The following MACROD2 variants were observed in gnomAD, a reference collection of about 807,000 sequenced individuals.
MACROD2 encodes ADP-ribose glycohydrolase MACROD2.
Under a neutral mutation model 70.4 loss-of-function variants are expected in MACROD2, and 36 were observed. The observed-to-expected ratio is 0.51, with a 90% confidence interval of 0.39 to 0.68. MACROD2 has a LOEUF of 0.68. Ranked by LOEUF, MACROD2 falls within the 30% of genes least tolerant of loss-of-function variation. The pLI is 0.00. For missense variants in MACROD2, 496 were observed against 538.4 expected (o/e 0.92, Z 0.78); for synonymous variants, 172 against 178.8 (o/e 0.96, Z 0.30).
intron 5 of MACROD2, among the ~76,000 whole-genome samples, chr20:15,212,163 C>A (rs1039165575): frequency 6.6e-6 from 1 of 152,130 alleles, no homozygotes; most frequent in Non-Finnish European, 1.5e-5. Flanking sequence ...TCTTTACAAC[C>A]ATTTCTCAAA....
chr20:15,129,178 T>A (rs1272873214), intron 5 of MACROD2, among the ~76,000 whole-genome samples: 1 of 152,004 alleles, frequency 6.6e-6, no homozygotes, highest in Non-Finnish European at 1.5e-5. Flanking sequence ...TTTTGGAAAA[T>A]TTTTTAAAAG....
intron 3 of MACROD2, among the ~76,000 whole-genome samples, chr20:14,347,316 C>T (rs1017548735): frequency 1.3e-5 from 2 of 152,064 alleles, no homozygotes; most frequent in African/African-American, 4.8e-5. Context: ...AGAGGTCACC[C>T]ATCCTTGTAG....
rs186185956 is a variant in MACROD2 at position 14,715,289 on chromosome 20, T to C, written c.418+30330T>C. Among the ~76,000 whole-genome samples, 99 of 152,278 alleles carry C rather than the reference T, an allele frequency of 6.5e-4. 1 individual carries two copies. Among genetic ancestry groups the C allele is most frequent in the African/African-American group, 2.2e-3 (91 of 41,566 alleles). ...TCTCCATGATTCAATTACCTCCCAC[T>C]GGGTCCCTCTCACCATAGGTGGGGA... On this transcript the variant is annotated intron_variant, in intron 5 of 17. Transcript: ENST00000684519.
chr20:15,097,345 A>G (rs537104844), intron 5 of MACROD2, among the ~76,000 whole-genome samples: 1 of 152,284 alleles, frequency 6.6e-6, no homozygotes, highest in Non-Finnish European at 1.5e-5. Flanking sequence ...CACAAAATGT[A>G]ATGCTTTTAC....
intron 6 of MACROD2, among the ~76,000 whole-genome samples, chr20:15,336,841 C>G (rs1372184445): frequency 6.6e-6 from 1 of 151,556 alleles, no homozygotes; most frequent in Non-Finnish European, 1.5e-5. Context: ...GATGATTTCC[C>G]AAGATATTGC....
At chr20:14,895,693 A>G (rs964881694) in intron 5 of MACROD2, 2 of 152,186 alleles carry the variant, frequency 1.3e-5, no homozygotes, top group Non-Finnish European at 1.5e-5. Context: ...TTATTAATTA[A>G]TATTTCTAAA....
chr20:15,201,594 G>T (rs1291301751), intron 5 of MACROD2, among the ~76,000 whole-genome samples: 1 of 152,186 alleles, frequency 6.6e-6, no homozygotes, highest in Non-Finnish European at 1.5e-5. Flanking sequence ...AATTGAGATG[G>T]ATAGTTGTTT....
At chr20:15,093,794 T>C (rs1470859370) in intron 5 of MACROD2, among the ~76,000 whole-genome samples, 2 of 152,076 alleles carry the variant, frequency 1.3e-5, no homozygotes, top group African/African-American at 2.4e-5. Context: ...TTTGTGTGGG[T>C]AGAGGGAGCA....
chr20:15,024,742 A>G (rs2075216568), intron 5 of MACROD2, among the ~76,000 whole-genome samples: 1 of 152,072 alleles, frequency 6.6e-6, no homozygotes, highest in Non-Finnish European at 1.5e-5. Flanking sequence ...GACACAAAAC[A>G]TTTTTTCCAT....
intron 3 of MACROD2, among the ~76,000 whole-genome samples, chr20:14,309,646 G>T (rs188633087): frequency 9.0e-4 from 137 of 152,176 alleles, no homozygotes; most frequent in Non-Finnish European, 1.7e-3. Flanking sequence ...CACGCATTTA[G>T]CCAGAAATTC....
chr20:15,646,451 T>C (rs928712508), intron 8 of MACROD2, among the ~76,000 whole-genome samples: 9 of 152,192 alleles, frequency 5.9e-5, no homozygotes, highest in African/African-American at 2.2e-4. Context: ...CTTAAAACAA[T>C]CTTGGGAGCT....
intron 8 of MACROD2, among the ~76,000 whole-genome samples, chr20:15,754,503 G>A (rs540125777): frequency 3.3e-5 from 5 of 151,934 alleles, no homozygotes; most frequent in South Asian, 2.1e-4. Flanking sequence ...CATGCTACTC[G>A]GGAGGCTGAG....
At chr20:15,383,865 AT>A (rs1301728621) in intron 6 of MACROD2, among the ~76,000 whole-genome samples, 3 of 152,012 alleles carry the variant, frequency 2.0e-5, no homozygotes, top group African/African-American at 7.3e-5. Flanking sequence ...CCTTTAGTGT[AT>A]TTTTTTAATT....
At chr20:14,431,078 C>A (rs761427233) in intron 3 of MACROD2, among the ~76,000 whole-genome samples, 2 of 152,084 alleles carry the variant, frequency 1.3e-5, no homozygotes. Flanking sequence ...AGCTGTTGTA[C>A]CTAATGCTGT....
intron 5 of MACROD2, among the ~76,000 whole-genome samples, chr20:14,716,134 A>G (rs1158590142): frequency 6.6e-6 from 1 of 152,230 alleles, no homozygotes; most frequent in Non-Finnish European, 1.5e-5. Context: ...GAGTTTTTCC[A>G]GAGCCACTTA....
intron 6 of MACROD2, among the ~76,000 whole-genome samples, chr20:15,380,351 T>A (rs1449357074): frequency 6.6e-6 from 1 of 151,518 alleles, no homozygotes; most frequent in Admixed American, 6.6e-5. Flanking sequence ...TGTGGTTGAC[T>A]GTAAAAATTC....
At chr20:15,593,681 G>A (rs2048708457) in intron 8 of MACROD2, among the ~76,000 whole-genome samples, 1 of 152,196 alleles carries the variant, frequency 6.6e-6, no homozygotes, top group Non-Finnish European at 1.5e-5. Flanking sequence ...ATTTTCTTAA[G>A]TTGAAATTGG....
chr20:15,584,495 A>C (rs12481689), intron 8 of MACROD2, among the ~76,000 whole-genome samples: 5 of 152,332 alleles, frequency 3.3e-5, no homozygotes, highest in Admixed American at 6.5e-5. Context: ...ATTACAGTTG[A>C]CAATGAAACT....
chr20:15,156,578 A>G (rs2076308399), intron 5 of MACROD2, among the ~76,000 whole-genome samples: 1 of 152,168 alleles, frequency 6.6e-6, no homozygotes, highest in African/African-American at 2.4e-5. Flanking sequence ...TTACCCAAGT[A>G]TCCCTTTCTA....
Sources: gnomAD v4.1 joint callset for allele counts (sites outside exome capture counted in the v4.1 genomes callset) on GRCh38, gnomAD v4.1.1 for gene constraint, MANE v1.5 for transcripts, NCBI Gene and HGNC (gene_info 2026-07-23, HGNC 2026-07-21) for gene names.